CEP57L1: variants seen among roughly 807,000 people sequenced by gnomAD.
CEP57L1 encodes centrosomal protein CEP57L1.
Under a neutral mutation model 61.0 loss-of-function variants are expected in CEP57L1, and 37 were observed. That is an observed-to-expected ratio of 0.61 (90% confidence interval 0.47 to 0.80). CEP57L1 has a LOEUF of 0.80. CEP57L1 is among the 30% of genes least tolerant of loss of function. The pLI, the probability that CEP57L1 is intolerant of heterozygous loss-of-function variation, is 0.00. For synonymous variants in CEP57L1, 137 were observed against 162.3 expected (o/e 0.84, Z 1.19); for missense variants, 422 against 524.7 (o/e 0.80, Z 1.91).
intron 1 of CEP57L1, among the ~76,000 whole-genome samples, chr6:109,100,671 TC>T (rs1352490916): frequency 6.1e-4 from 29 of 47,378 alleles, no homozygotes; most frequent in Admixed American, 9.8e-4. Flanking sequence ...TGAGATTGTC[TC>T]AAAAAAAAAA....
intron 1 of CEP57L1, among the ~76,000 whole-genome samples, chr6:109,118,038 T>A (rs574835758): frequency 4.4e-4 from 67 of 151,482 alleles, no homozygotes; most frequent in Middle Eastern, 3.4e-3. Context: ...TGTATATAGT[T>A]GTTGTTGTTG....
chr6:109,131,358 A>G (rs1324042397), intron 1 of CEP57L1, among the ~76,000 whole-genome samples: 1 of 152,172 alleles, frequency 6.6e-6, no homozygotes, highest in East Asian at 1.9e-4. Flanking sequence ...TGTTTGTTCT[A>G]TTATCTGAAT....
At chr6:109,153,348 C>T (rs1772864218) in intron 4 of CEP57L1, among the ~76,000 whole-genome samples, 1 of 141,778 alleles carries the variant, frequency 7.1e-6, no homozygotes. Context: ...CTCAAGCAAT[C>T]TTCTCATCTC....
intron 1 of CEP57L1, among the ~76,000 whole-genome samples, chr6:109,124,657 G>A (rs1773345378): frequency 6.6e-6 from 1 of 152,146 alleles, no homozygotes; most frequent in Admixed American, 6.5e-5. Flanking sequence ...TTATTACCAT[G>A]CTATTTCTTC....
intron 2 of CEP57L1, among the ~76,000 whole-genome samples, chr6:109,146,414 C>A (rs1771964518): frequency 6.6e-6 from 1 of 151,806 alleles, no homozygotes; most frequent in South Asian, 2.1e-4. Context: ...TTTTAATGTT[C>A]TTATTCATAT....
At chr6:109,161,365 C>A (rs575627316) in intron 10 of CEP57L1, among the ~76,000 whole-genome samples, 1 of 152,294 alleles carries the variant, frequency 6.6e-6, no homozygotes, top group East Asian at 1.9e-4. Flanking sequence ...GTTGAACTTG[C>A]AGCACTATTA....
rs1216582259 is a variant in CEP57L1 at position 109,164,446 on chromosome 6, G to A, written c.*1476G>A. On this transcript the variant is annotated 3_prime_UTR_variant, in exon 11 of 11. Coordinates refer to ENST00000517392, the MANE Select transcript of CEP57L1 (RefSeq NM_001271852.3). ...ATGGCAGAGATCAAAATTTCCTCCT[G>A]TTGTAAATAGTGCATGTGCCCTTTG... is the stretch of plus-strand genomic sequence containing the variant. Among the ~76,000 whole-genome samples the A allele has an allele frequency of 6.6e-6, 1 of 152,112 alleles. No homozygotes were observed. The highest frequency in any genetic ancestry group is 1.5e-5 in the Non-Finnish European group (1 of 68,028).
chr6:109,150,242 G>A lies in CEP57L1; in HGVS notation c.462+3G>A. On this transcript the variant is annotated splice_donor_region_variant and intron_variant, in intron 4 of 10. Transcript: ENST00000517392. ...AGAACATGATCCTAGAACAACAGGTGAGCATATTTTCTATAAGGAATGATA... is the reference window on the plus strand; with the variant it reads ...AGAACATGATCCTAGAACAACAGGTAAGCATATTTTCTATAAGGAATGATA... 2 of 1,590,880 alleles carry A rather than the reference G, an allele frequency of 1.3e-6. No individual in the cohort carries two copies. Among genetic ancestry groups the A allele is most frequent in the East Asian group, 2.2e-5 (1 of 44,524 alleles).
intron 2 of CEP57L1, among the ~76,000 whole-genome samples, chr6:109,146,539 A>G (rs1460983909): frequency 6.6e-6 from 1 of 152,070 alleles, no homozygotes; most frequent in Admixed American, 6.6e-5. Flanking sequence ...ACCACTAAAT[A>G]CAATAATAGA....
chr6:109,154,067 A>G (rs1235939741), intron 5 of CEP57L1, 118 bp downstream of exon 5: 1 of 639,330 alleles, frequency 1.6e-6, no homozygotes, highest in Admixed American at 2.9e-5. Flanking sequence ...ACAACTTTTT[A>G]TAATCCAGAT....
Position 109,172,049 on chromosome 6 carries a change from G to A in CEP57L1, c.*9079G>A, listed in dbSNP as rs535632341. The stretch of plus-strand genomic sequence containing the variant: ...GAAAAGCTGTTAAGTTATGGTTATG[G>A]TATATTATAGCAAAAGAATATATAT... On this transcript the variant is annotated 3_prime_UTR_variant, in exon 11 of 11. Transcript: ENST00000517392. Among the ~76,000 whole-genome samples, 28 of 152,232 alleles carry A rather than the reference G, an allele frequency of 1.8e-4. No individual in the cohort carries two copies. The highest frequency in any genetic ancestry group is 6.5e-4 in the African/African-American group (27 of 41,542).
chr6:109,156,549 A>G (rs2114939629), intron 7 of CEP57L1: 1 of 152,184 alleles, frequency 6.6e-6, no homozygotes, highest in Admixed American at 6.5e-5. Flanking sequence ...ATATAATGGT[A>G]TGAAAAAAGT....
At chr6:109,133,967 G>A (rs1168347180) in intron 1 of CEP57L1, among the ~76,000 whole-genome samples, 5 of 152,030 alleles carry the variant, frequency 3.3e-5, no homozygotes, top group East Asian at 3.9e-4. Context: ...ATTCACAGCC[G>A]AATTCTACCA....
intron 1 of CEP57L1, among the ~76,000 whole-genome samples, chr6:109,114,812 G>A (rs1204532078): frequency 1.3e-5 from 2 of 152,020 alleles, no homozygotes; most frequent in African/African-American, 4.8e-5. Flanking sequence ...GGTGACTATA[G>A]TTATTATATT....
At chr6:109,155,509 G>A (rs1449295586) in intron 6 of CEP57L1, among the ~76,000 whole-genome samples, 1 of 151,748 alleles carries the variant, frequency 6.6e-6, no homozygotes, top group African/African-American at 2.4e-5. Flanking sequence ...TTGAAATTCT[G>A]ACAAATACAT....
Position 109,167,023 on chromosome 6 carries a change from A to G in CEP57L1, c.*4053A>G, listed in dbSNP as rs562126408. ...GCAACTGTGAGATTTTTAAAAAACT[A>G]TGCGTGCCATTGCACCTTTTAATTA... On this transcript the variant is annotated 3_prime_UTR_variant, in exon 11 of 11. Coordinates refer to ENST00000517392, the MANE Select transcript of CEP57L1 (RefSeq NM_001271852.3). Among the ~76,000 whole-genome samples, 1 of 152,254 alleles carries G rather than the reference A, an allele frequency of 6.6e-6. No homozygotes were observed. Among genetic ancestry groups the G allele is most frequent in the Non-Finnish European group, 1.5e-5 (1 of 68,046 alleles).
At position 109,171,603 on chromosome 6, in the gene CEP57L1, A is replaced by G. The variant is rs1356606040; in HGVS notation, c.*8633A>G. 1.3e-5 allele frequency among the ~76,000 whole-genome samples: 2 copies of G among 152,138 alleles called. No individual in the cohort carries two copies. The highest frequency in any genetic ancestry group is 2.9e-5 in the Non-Finnish European group (2 of 68,028). On this transcript the variant is annotated 3_prime_UTR_variant, in exon 11 of 11. Coordinates refer to ENST00000517392, the MANE Select transcript of CEP57L1 (RefSeq NM_001271852.3). ...ATACTATCAGTTTAAACTACCATCT[A>G]CAGAAATAAAAAACATAAACCACTA...
chr6:109,159,525 T>A, intron 9 of CEP57L1, 63 bp downstream of exon 9: 1 of 1,471,758 alleles, frequency 6.8e-7, no homozygotes, highest in Non-Finnish European at 9.3e-7. Flanking sequence ...CCCAGGCTAG[T>A]CTTGAACTCC....
Position 109,162,913 on chromosome 6 carries a change from A to T in CEP57L1, c.1326A>T (p.Ile442=), listed in dbSNP as rs781171769. Residue 442 remains isoleucine (I), a synonymous_variant, in exon 11 of 11, where the codon ATA becomes ATT. Transcript: ENST00000517392. The part of the protein sequence containing the change: ...LFQKNSSFHP[I]RVHNLQMKLR... ...AGAAAAACAGCAGCTTTCATCCAAT[A>T]CGAGTTCATAATCTTCAAATGAAAT... is the stretch of plus-strand genomic sequence containing the variant. The T allele has an allele frequency of 3.1e-6, 5 of 1,613,068 alleles. No homozygotes were observed. Among genetic ancestry groups the T allele is most frequent in the Non-Finnish European group, 4.2e-6 (5 of 1,179,414 alleles).
Sources: gnomAD v4.1 joint callset for allele counts (sites outside exome capture counted in the v4.1 genomes callset) on GRCh38, gnomAD v4.1.1 for gene constraint, MANE v1.5 for transcripts, NCBI Gene and HGNC (gene_info 2026-07-23, HGNC 2026-07-21) for gene names.